The following C11orf65 variants were observed in gnomAD, a reference collection of about 807,000 sequenced individuals.
C11orf65 encodes the protein chromosome 11 open reading frame 65.
In C11orf65, 38 loss-of-function variants were observed where a neutral mutation model predicts 35.3. That is an observed-to-expected ratio of 1.08 (90% CI 0.83 to 1.41). The LOEUF (loss-of-function observed/expected upper bound fraction) is 1.41. C11orf65 is among the 40% of genes most tolerant of loss of function. The pLI is 0.00. For synonymous variants in C11orf65, 105 were observed against 114.4 expected (o/e 0.92, Z 0.53); for missense variants, 370 against 367.1 (o/e 1.01, Z -0.06).
At chr11:108,459,770 C>CACACACACACACACACACACACACA (rs3221698) in intron 2 of C11orf65, among the ~76,000 whole-genome samples, 1 of 140,504 alleles carries the variant, frequency 7.1e-6, no homozygotes. Context: ...CACACACACA[C>CACACACACACACACACACACACACA]CTCTTTATTT....
chr11:108,442,322 A>G (rs907373176), intron 2 of C11orf65, among the ~76,000 whole-genome samples: 1 of 152,212 alleles, frequency 6.6e-6, no homozygotes, highest in Non-Finnish European at 1.5e-5. Flanking sequence ...ATGTGGGACT[A>G]TGTGAAAAGA....
intron 2 of C11orf65, among the ~76,000 whole-genome samples, chr11:108,459,279 GTTTC>G (rs2093443131): frequency 6.6e-6 from 1 of 151,920 alleles, no homozygotes; most frequent in Non-Finnish European, 1.5e-5. Context: ...AGACTCCAGG[GTTTC>G]TTTGTGTCTT....
At chr11:108,319,836 A>C (rs1591098530) in intron 6 of C11orf65, 1 of 717,074 alleles carries the variant, frequency 1.4e-6, no homozygotes, top group East Asian at 2.6e-5. Flanking sequence ...CTAGAAATGC[A>C]TTTTTTAGAA....
chr11:108,317,331 T>A (rs765924415), intron 6 of C11orf65: 1 of 1,591,836 alleles, frequency 6.3e-7, no homozygotes, highest in South Asian at 1.1e-5. Context: ...TCTGTTGATA[T>A]CTTTGATTAC....
intron 2 of C11orf65, among the ~76,000 whole-genome samples, chr11:108,452,155 G>T (rs887099209): frequency 6.6e-6 from 1 of 152,212 alleles, no homozygotes; most frequent in South Asian, 2.1e-4. Context: ...ATTGACAAAT[G>T]GGATCTAATT....
At chr11:108,353,228 A>G (rs1324189435) in intron 2 of C11orf65, among the ~76,000 whole-genome samples, 2 of 151,888 alleles carry the variant, frequency 1.3e-5, no homozygotes, top group South Asian at 2.1e-4. Context: ...AGCTCCATGT[A>G]TCCTTCACCT....
intron 2 of C11orf65, among the ~76,000 whole-genome samples, chr11:108,450,539 C>A (rs890941930): frequency 2.0e-5 from 3 of 146,566 alleles, no homozygotes; most frequent in Admixed American, 7.0e-5. Context: ...AAACCAAACA[C>A]CACATGTTGT....
chr11:108,335,809 A>T (rs2086774356), intron 2 of C11orf65: 2 of 1,535,180 alleles, frequency 1.3e-6, no homozygotes, highest in African/African-American at 2.7e-5. Context: ...AATAAAATAA[A>T]CTGTACTTGT....
chr11:108,384,467 T>G (rs947198571), intron 8 of C11orf65, among the ~76,000 whole-genome samples: 6 of 152,152 alleles, frequency 3.9e-5, no homozygotes, highest in African/African-American at 1.4e-4. Flanking sequence ...AGCTAGTAAC[T>G]TGCCCAAGAT....
At chr11:108,403,741 G>A (rs2092485645) in intron 6 of C11orf65, among the ~76,000 whole-genome samples, 1 of 152,140 alleles carries the variant, frequency 6.6e-6, no homozygotes, top group African/African-American at 2.4e-5. Context: ...CCAATTTGTT[G>A]AAAAGACTAT....
chr11:108,362,974 CAACAA>C (rs757743364), intron 2 of C11orf65, among the ~76,000 whole-genome samples: 16 of 151,800 alleles, frequency 1.1e-4, no homozygotes, highest in Non-Finnish European at 1.9e-4. Flanking sequence ...AAAAAACAAA[CAACAA>C]AACAAACAAA....
At chr11:108,310,839 TCTGA>T (rs1396833740) in intron 6 of C11orf65, among the ~76,000 whole-genome samples, 1 of 152,218 alleles carries the variant, frequency 6.6e-6, no homozygotes, top group East Asian at 1.9e-4. Flanking sequence ...TTCGCTTTCC[TCTGA>T]CTGAGTTAGA....
chr11:108,382,963 C>T lies in C11orf65; in HGVS notation c.*58G>A, dbSNP rs924420643. On this transcript the variant is annotated 3_prime_UTR_variant, in exon 9 of 9. Transcript: ENST00000393084. ...CCAGTCAGAATACACTATCTCTTGGCTATAACTGATGGATGGAAGGCTCAA... is the reference window on the plus strand; with the variant it reads ...CCAGTCAGAATACACTATCTCTTGGTTATAACTGATGGATGGAAGGCTCAA... 42 of 1,600,550 alleles carry T rather than the reference C, an allele frequency of 2.6e-5. No homozygotes were observed. The highest frequency in any genetic ancestry group is 3.5e-5 in the Non-Finnish European group (41 of 1,175,954).
At chr11:108,374,416 C>T (rs1398228940) in intron 2 of C11orf65, among the ~76,000 whole-genome samples, 2 of 152,214 alleles carry the variant, frequency 1.3e-5, no homozygotes, top group African/African-American at 4.8e-5. Flanking sequence ...AACAGACCTG[C>T]AGCTGAGGGT....
Position 108,360,629 on chromosome 11 carries a change from A to T in C11orf65, c.227-25337T>A, listed in dbSNP as rs2090613258. 2.0e-5 allele frequency among the ~76,000 whole-genome samples: 3 copies of T among 150,254 alleles called. No individual in the cohort carries two copies. In the South Asian group the frequency reaches 6.5e-4, roughly 32 times the overall value. On this transcript the variant is annotated intron_variant, in intron 2 of 3. Coordinates refer to the C11orf65 transcript ENST00000524755. ...CAGTGGGCTTCATCCCTGGGATTCA[A>T]GGCTGGTTCAATATATGCAAATCAA...
rs546027423 is a variant in C11orf65, at chr11:108,413,308, C to T, written c.175-6159G>A. Among the ~76,000 whole-genome samples the T allele has an allele frequency of 2.6e-5, 4 of 152,234 alleles. No individual in the cohort carries two copies. The South Asian group carries it at 8.3e-4, about 32-fold the overall frequency. ...ATCACCCAATTAATGTACATTGTAT[C>T]CATTAACTAATTTCCCATCGTCCAC... On this transcript the variant is annotated intron_variant, in intron 3 of 8. Coordinates refer to ENST00000393084, the MANE Select transcript of C11orf65 (RefSeq NM_152587.5).
At chr11:108,346,284 A>C (rs1431275468) in intron 2 of C11orf65, among the ~76,000 whole-genome samples, 6 of 152,110 alleles carry the variant, frequency 3.9e-5, no homozygotes, top group African/African-American at 1.4e-4. Flanking sequence ...GTTCTTTTGC[A>C]TATAACCTCT....
intron 2 of C11orf65, chr11:108,347,183 A>AGTGG: frequency 2.1e-6 from 2 of 973,650 alleles, no homozygotes; most frequent in East Asian, 4.8e-5. Flanking sequence ...CTACTTAAAG[A>AGTGG]TTATACCAAG....
At chr11:108,363,475 C>T (rs2137794126) in intron 2 of C11orf65, among the ~76,000 whole-genome samples, 1 of 152,216 alleles carries the variant, frequency 6.6e-6, no homozygotes, top group Admixed American at 6.5e-5. Flanking sequence ...GATGCTTAGC[C>T]AAGAGCAGTT....
Sources: gnomAD v4.1 joint callset for allele counts (sites outside exome capture counted in the v4.1 genomes callset) on GRCh38, gnomAD v4.1.1 for gene constraint, MANE v1.5 for transcripts, NCBI Gene and HGNC (gene_info 2026-07-23, HGNC 2026-07-21) for gene names.